The following TACR1 variants were observed in gnomAD, a reference collection of about 807,000 sequenced individuals.
The protein encoded by TACR1 is tachykinin receptor 1.
Under a neutral mutation model 35.8 loss-of-function variants are expected in TACR1, and 25 were observed. That is an observed-to-expected ratio of 0.70 (90% CI 0.51 to 0.98). The LOEUF (loss-of-function observed/expected upper bound fraction) is 0.98, where lower values mean the gene tolerates loss of function less well. TACR1 is among the 50% of genes least tolerant of loss of function. The pLI is 0.00. For synonymous variants in TACR1, 195 were observed against 206.7 expected (o/e 0.94, Z 0.48); for missense variants, 478 against 522.9 (o/e 0.91, Z 0.84).
At chr2:75,112,531 T>C (rs1042844644) in intron 2 of TACR1, among the ~76,000 whole-genome samples, 5 of 152,176 alleles carry the variant, frequency 3.3e-5, no homozygotes, top group African/African-American at 1.2e-4. Flanking sequence ...TATTTTCTTA[T>C]GCCGTCCAGT....
At chr2:75,181,912 A>AGTCTGTTTATC (rs1361095049) in intron 1 of TACR1, among the ~76,000 whole-genome samples, 7 of 152,218 alleles carry the variant, frequency 4.6e-5, no homozygotes, top group Admixed American at 4.6e-4. Context: ...ATTTGGTTAC[A>AGTCTGTTTATC]AATAACAGAA....
chr2:75,198,159 T>A (rs1676037548), intron 1 of TACR1, among the ~76,000 whole-genome samples: 1 of 152,170 alleles, frequency 6.6e-6, no homozygotes, highest in African/African-American at 2.4e-5. Context: ...CAAAGCCCCT[T>A]CCAGGGTCTA....
At chr2:75,183,659 G>A (rs1045249327) in intron 1 of TACR1, among the ~76,000 whole-genome samples, 5 of 152,154 alleles carry the variant, frequency 3.3e-5, no homozygotes, top group South Asian at 2.1e-4. Context: ...TGCTCTGTCC[G>A]AAGCTGGCTT....
intron 2 of TACR1, among the ~76,000 whole-genome samples, chr2:75,073,709 C>G (rs1357890904): frequency 6.6e-6 from 1 of 152,138 alleles, no homozygotes; most frequent in Admixed American, 6.5e-5. Flanking sequence ...GGAGACCAGG[C>G]ACAGAGAAGA....
At chr2:75,121,469 C>A (rs1389867938) in intron 1 of TACR1, among the ~76,000 whole-genome samples, 1 of 152,210 alleles carries the variant, frequency 6.6e-6, no homozygotes, top group Non-Finnish European at 1.5e-5. Flanking sequence ...GGGAGCACAG[C>A]AAATGATGAC....
At chr2:75,146,162 G>T (rs762237647) in intron 1 of TACR1, among the ~76,000 whole-genome samples, 5 of 151,960 alleles carry the variant, frequency 3.3e-5, no homozygotes, top group African/African-American at 9.7e-5. Context: ...TCTCTCTGTC[G>T]CCCAGTCTGG....
intron 1 of TACR1, among the ~76,000 whole-genome samples, chr2:75,186,264 C>A (rs975780825): frequency 6.7e-6 from 1 of 148,502 alleles, no homozygotes; most frequent in Admixed American, 6.8e-5. Context: ...CCCAGCTACT[C>A]GGGAGGCTGA....
chr2:75,188,939 A>G (rs1572991463), intron 1 of TACR1: 1 of 152,340 alleles, frequency 6.6e-6, no homozygotes, highest in East Asian at 1.9e-4. Context: ...AATCTGGCAC[A>G]TATTTTTCAT....
intron 1 of TACR1, among the ~76,000 whole-genome samples, chr2:75,146,381 C>T (rs929612429): frequency 6.6e-6 from 1 of 152,136 alleles, no homozygotes; most frequent in African/African-American, 2.4e-5. Flanking sequence ...CCTTGGCCCC[C>T]CAAAGTGCTG....
At chr2:75,176,953 A>G (rs1675434685) in intron 1 of TACR1, among the ~76,000 whole-genome samples, 1 of 152,022 alleles carries the variant, frequency 6.6e-6, no homozygotes, top group Non-Finnish European at 1.5e-5. Flanking sequence ...TCTTCAGCAA[A>G]ATCCTCAACC....
chr2:75,086,738 A>G (rs940431778), intron 2 of TACR1, among the ~76,000 whole-genome samples: 2 of 152,238 alleles, frequency 1.3e-5, no homozygotes, highest in Non-Finnish European at 2.9e-5. Flanking sequence ...GAATCCAAAA[A>G]TAAGGATGAT....
At chr2:75,137,826 A>G (rs1674330166) in intron 1 of TACR1, among the ~76,000 whole-genome samples, 1 of 150,984 alleles carries the variant, frequency 6.6e-6, no homozygotes, top group African/African-American at 2.4e-5. Flanking sequence ...TGCTTGAGAT[A>G]TTTAGAAAGT....
At chr2:75,144,206 G>A (rs573738711) in intron 1 of TACR1, among the ~76,000 whole-genome samples, 45 of 152,282 alleles carry the variant, frequency 3.0e-4, no homozygotes, top group Non-Finnish European at 5.6e-4. Flanking sequence ...GGAGCTGATC[G>A]ATGGAGCTCC....
At chr2:75,153,440 A>G (rs1364175239) in intron 1 of TACR1, among the ~76,000 whole-genome samples, 1 of 152,222 alleles carries the variant, frequency 6.6e-6, no homozygotes, top group Non-Finnish European at 1.5e-5. Flanking sequence ...CTTGCTGAGA[A>G]TTATTGACCT....
rs144670558 is a variant in TACR1, at chr2:75,067,232, C to T, written c.585-13477G>A. Among the ~76,000 whole-genome samples the T allele has an allele frequency of 2.0e-5, 3 of 152,222 alleles. No homozygotes were observed. The East Asian group carries it at 5.8e-4, about 29-fold the overall frequency. On this transcript the variant is annotated intron_variant, in intron 2 of 4. Coordinates refer to ENST00000305249, the MANE Select transcript of TACR1 (RefSeq NM_001058.4). ...ACTTTTGCTAATTAAGCCAGGCTTCCTCAACTTCACAGTTCTTAGATGCTG... is the reference window on the plus strand; with the variant it reads ...ACTTTTGCTAATTAAGCCAGGCTTCTTCAACTTCACAGTTCTTAGATGCTG...
At chr2:75,152,756 AC>A (rs1674702211) in intron 1 of TACR1, among the ~76,000 whole-genome samples, 1 of 152,180 alleles carries the variant, frequency 6.6e-6, no homozygotes, top group Non-Finnish European at 1.5e-5. Flanking sequence ...TCTCTTAGTC[AC>A]CCCAATGCAT....
At chr2:75,052,046 C>A (rs1407876534) in intron 3 of TACR1, among the ~76,000 whole-genome samples, 1 of 152,070 alleles carries the variant, frequency 6.6e-6, no homozygotes, top group East Asian at 1.9e-4. Context: ...CAGAGAGTGC[C>A]AGATGTTTAA....
intron 4 of TACR1, 200 bp downstream of exon 4, chr2:75,051,050 AG>A: frequency 1.6e-6 from 1 of 641,840 alleles, no homozygotes; most frequent in South Asian, 2.0e-5. Flanking sequence ...AAAGAAAAAA[AG>A]AAAATCAGTC....
chr2:75,057,411 C>T (rs908606336), intron 2 of TACR1, among the ~76,000 whole-genome samples: 2 of 152,220 alleles, frequency 1.3e-5, no homozygotes, highest in Non-Finnish European at 2.9e-5. Context: ...AGCCCGCCTG[C>T]ACCCAGGTGG....
Sources: gnomAD v4.1 joint callset for allele counts (sites outside exome capture counted in the v4.1 genomes callset) on GRCh38, gnomAD v4.1.1 for gene constraint, MANE v1.5 for transcripts, NCBI Gene and HGNC (gene_info 2026-07-23, HGNC 2026-07-21) for gene names.